Variants in NCAM2 observed in about 807,000 individuals in gnomAD.
The protein encoded by NCAM2 is neural cell adhesion molecule 2, also known as N-CAM-2.
A neutral mutation model predicts 98.1 loss-of-function variants in NCAM2; 30 were observed. The ratio of observed to expected loss-of-function variants is 0.31; its 90% confidence interval spans 0.23 to 0.41. NCAM2 has a LOEUF of 0.41. Ranked by LOEUF, NCAM2 falls within the 10% of genes least tolerant of loss-of-function variation. The pLI, the probability that NCAM2 is intolerant of heterozygous loss-of-function variation, is 1.00. For synonymous variants in NCAM2, 368 were observed against 342.4 expected, an observed-to-expected ratio of 1.07 and a Z score of -0.83; for missense variants, 867 against 1,005.8, an observed-to-expected ratio of 0.86 and a Z score of 1.87.
chr21:21,265,271 A>T (rs1363999331), intron 1 of NCAM2, among the ~76,000 whole-genome samples: 1 of 129,960 alleles, frequency 7.7e-6, no homozygotes, highest in African/African-American at 2.8e-5. Flanking sequence ...ATACACACAT[A>T]TATGTACACA....
At chr21:21,359,384 C>G (rs929347978) in intron 8 of NCAM2, among the ~76,000 whole-genome samples, 4 of 151,822 alleles carry the variant, frequency 2.6e-5, no homozygotes, top group African/African-American at 9.7e-5. Context: ...AAATCTTTTT[C>G]TGTACACAGC....
intron 1 of NCAM2, among the ~76,000 whole-genome samples, chr21:21,104,846 G>A (rs772129468): frequency 3.9e-5 from 6 of 152,038 alleles, no homozygotes; most frequent in Non-Finnish European, 8.8e-5. Flanking sequence ...AAAAGAAATG[G>A]TAGCTTCTCT....
rs571629412 is a variant in NCAM2 at position 21,162,865 on chromosome 21, A to G, written c.56-117713A>G. 4.0e-4 allele frequency among the ~76,000 whole-genome samples: 61 copies of G among 152,236 alleles called. No individual in the cohort carries two copies. The South Asian group carries it at 0.013, about 32-fold the overall frequency. On this transcript the variant is annotated intron_variant, in intron 1 of 17. Transcript: ENST00000400546. ...GAAATATATCCGTTATTGGTGAAGA[A>G]ACCGGATTGATGTTTTATCTGTCAA...
At chr21:21,222,519 G>A (rs1288549408) in intron 1 of NCAM2, among the ~76,000 whole-genome samples, 3 of 152,130 alleles carry the variant, frequency 2.0e-5, no homozygotes, top group Non-Finnish European at 4.4e-5. Flanking sequence ...CTTCATGGAG[G>A]ACTTGAGAGG....
intron 1 of NCAM2, among the ~76,000 whole-genome samples, chr21:21,126,318 TG>T (rs1399442876): frequency 6.6e-6 from 1 of 151,126 alleles, no homozygotes; most frequent in Non-Finnish European, 1.5e-5. Flanking sequence ...TAAATTAGTA[TG>T]GTCCACTTCT....
chr21:21,141,452 T>C (rs1212148082), intron 1 of NCAM2, among the ~76,000 whole-genome samples: 1 of 152,220 alleles, frequency 6.6e-6, no homozygotes, highest in Non-Finnish European at 1.5e-5. Flanking sequence ...CTCTTATCAA[T>C]GATATGGTTA....
At chr21:21,270,986 A>G (rs948066493) in intron 1 of NCAM2, among the ~76,000 whole-genome samples, 10 of 151,546 alleles carry the variant, frequency 6.6e-5, no homozygotes, top group Non-Finnish European at 2.9e-5. Context: ...ATTTTATTCA[A>G]TTGGCCTCTT....
intron 12 of NCAM2, among the ~76,000 whole-genome samples, chr21:21,434,996 C>T (rs932167463): frequency 1.3e-5 from 2 of 152,102 alleles, no homozygotes; most frequent in African/African-American, 4.8e-5. Flanking sequence ...AGTGCAAGCA[C>T]ACCAGAAGGA....
At chr21:21,233,778 A>G (rs189152226) in intron 1 of NCAM2, among the ~76,000 whole-genome samples, 1 of 151,898 alleles carries the variant, frequency 6.6e-6, no homozygotes, top group East Asian at 1.9e-4. Flanking sequence ...GAAAGTAGTA[A>G]TTTGGGTCAT....
At chr21:21,507,445 A>T (rs112941041) in intron 15 of NCAM2, among the ~76,000 whole-genome samples, 2 of 152,144 alleles carry the variant, frequency 1.3e-5, no homozygotes, top group African/African-American at 4.8e-5. Context: ...CACATCAGTT[A>T]CATATTTGAA....
intron 6 of NCAM2, among the ~76,000 whole-genome samples, chr21:21,328,185 C>A (rs558558787): frequency 6.6e-6 from 1 of 152,212 alleles, no homozygotes; most frequent in South Asian, 2.1e-4. Context: ...ACATCGCAGC[C>A]ATCATAAAAT....
Position 21,466,610 on chromosome 21 carries a change from G to C in NCAM2, c.1659G>C (p.Met553Ile). 6.3e-7 allele frequency: 1 copy of C among 1,584,950 alleles called. No homozygotes were observed. ...TTTGTTTTGTTTTTCTTCTAGCAAT[G>C]GTTGTTTTGAACAACCTGGAACCAA... ...KIVRSHGVQT[M>I]VVLNNLEPNT... Residue 553 changes from methionine (M) to isoleucine (I), a missense_variant, in exon 13 of 18, where the codon ATG becomes ATC. Physicochemically the swap from Met to Ile is conservative, Grantham distance 10. This residue lies in a region of NCAM2 where 234 missense variants were observed against 333.8 expected (regional missense o/e 0.70). Coordinates refer to ENST00000400546, the MANE Select transcript of NCAM2 (RefSeq NM_004540.5).
chr21:21,019,434 A>G (rs574137840), intron 1 of NCAM2, among the ~76,000 whole-genome samples: 21 of 152,284 alleles, frequency 1.4e-4, no homozygotes, highest in African/African-American at 4.8e-4. Context: ...GCAGATTTGC[A>G]TATAAATCTT....
chr21:21,072,149 C>T (rs9980991), intron 1 of NCAM2, among the ~76,000 whole-genome samples: 31,893 of 151,934 alleles, frequency 0.21, 3,771 homozygotes, highest in African/African-American at 0.3. Flanking sequence ...CCTGACCTTG[C>T]GATCCTCCCG....
At chr21:21,378,431 T>A (rs900981255) in intron 9 of NCAM2, among the ~76,000 whole-genome samples, 6 of 152,110 alleles carry the variant, frequency 3.9e-5, no homozygotes, top group African/African-American at 1.4e-4. Flanking sequence ...TTAGTGATGC[T>A]GAGCACTTTT....
chr21:21,154,499 T>A (rs552914200), intron 1 of NCAM2, among the ~76,000 whole-genome samples: 75 of 151,856 alleles, frequency 4.9e-4, no homozygotes, highest in Non-Finnish European at 8.3e-4. Flanking sequence ...AACTTATAGA[T>A]AAAATGATAT....
chr21:21,418,645 G>T, intron 11 of NCAM2, 76 bp downstream of exon 11: 1 of 1,071,284 alleles, frequency 9.3e-7, no homozygotes, highest in South Asian at 1.3e-5. Context: ...TTGATAAAGT[G>T]GTCTCATTTA....
intron 1 of NCAM2, among the ~76,000 whole-genome samples, chr21:21,113,853 G>T (rs573204888): frequency 2.0e-5 from 3 of 152,030 alleles, no homozygotes; most frequent in Admixed American, 6.5e-5. Flanking sequence ...TACCAATTCT[G>T]GGTTTTTACT....
chr21:21,404,793 C>CAT (rs2076704300), intron 9 of NCAM2, among the ~76,000 whole-genome samples: 1 of 151,408 alleles, frequency 6.6e-6, no homozygotes, highest in African/African-American at 2.4e-5. Flanking sequence ...CTCGTATGTA[C>CAT]ATATATGTAT....
Sources: gnomAD v4.1 joint callset for allele counts (sites outside exome capture counted in the v4.1 genomes callset) on GRCh38, gnomAD v4.1.1 for gene constraint, gnomAD v4.1.1 regional missense constraint, MANE v1.5 for transcripts, NCBI Gene and HGNC (gene_info 2026-07-23, HGNC 2026-07-21) for gene names.